Variants in PTBP2 observed in about 807,000 individuals in gnomAD.
PTBP2 encodes polypyrimidine tract binding protein 2.
A neutral mutation model predicts 61.4 loss-of-function variants in PTBP2; 13 were observed. The ratio of observed to expected loss-of-function variants is 0.21; its 90% CI spans 0.14 to 0.34. The LOEUF is 0.34. PTBP2 is among the 10% of genes least tolerant of loss of function. PTBP2 has a pLI of 1.00. For missense variants in PTBP2, 405 were observed against 642.6 expected (o/e 0.63, Z 4.00); for synonymous variants, 215 against 218.5 (o/e 0.98, Z 0.14).
chr1:96,794,061 G>C (rs1015466530), intron 8 of PTBP2, among the ~76,000 whole-genome samples: 8 of 152,092 alleles, frequency 5.3e-5, no homozygotes, highest in African/African-American at 1.9e-4. Flanking sequence ...TGCTTAAATG[G>C]ATCCATTATG....
At chr1:96,815,751 T>G (rs1662457214), downstream of PTBP2, 2 of 152,206 alleles carry the variant, frequency 1.3e-5, no homozygotes, top group Admixed American at 6.5e-5. Flanking sequence ...TAATTTTGTT[T>G]ACACTAGTGT....
chr1:96,730,455 A>G (rs1051548946), intron 2 of PTBP2, among the ~76,000 whole-genome samples: 1 of 152,130 alleles, frequency 6.6e-6, no homozygotes, highest in African/African-American at 2.4e-5. Flanking sequence ...GGGTTATTGG[A>G]AAGTATGTTA....
chr1:96,786,681 G>A (rs534036026), intron 8 of PTBP2, among the ~76,000 whole-genome samples: 1 of 152,250 alleles, frequency 6.6e-6, no homozygotes, highest in African/African-American at 2.4e-5. Flanking sequence ...ACATTACTTT[G>A]TTAAAATAGA....
At chr1:96,735,491 T>G (rs986041398) in intron 2 of PTBP2, among the ~76,000 whole-genome samples, 1 of 152,148 alleles carries the variant, frequency 6.6e-6, no homozygotes, top group African/African-American at 2.4e-5. Context: ...ATTTTGAATG[T>G]TAGATGAGAT....
intron 2 of PTBP2, among the ~76,000 whole-genome samples, chr1:96,732,967 A>G (rs147140204): frequency 6.7e-4 from 102 of 151,746 alleles, no homozygotes; most frequent in African/African-American, 2.3e-3. Flanking sequence ...GCATTATTCT[A>G]TATACCTGTA....
intron 5 of PTBP2, among the ~76,000 whole-genome samples, chr1:96,776,480 C>A (rs566572562): frequency 6.6e-6 from 1 of 151,922 alleles, no homozygotes; most frequent in East Asian, 1.9e-4. Context: ...TCTGGACTCT[C>A]AAGCCGTGTG....
At chr1:96,781,640 T>A (rs1658682176) in intron 7 of PTBP2, among the ~76,000 whole-genome samples, 1 of 152,062 alleles carries the variant, frequency 6.6e-6, no homozygotes, top group East Asian at 1.9e-4. Flanking sequence ...CTGTAACATT[T>A]CAACTAGATT....
chr1:96,736,154 C>T (rs1652139537), intron 2 of PTBP2, among the ~76,000 whole-genome samples: 1 of 152,158 alleles, frequency 6.6e-6, no homozygotes, highest in Non-Finnish European at 1.5e-5. Context: ...TTTTGAAACA[C>T]GTCATTCTGC....
chr1:96,760,441 T>C (rs1231445559), intron 3 of PTBP2, among the ~76,000 whole-genome samples: 1 of 98,306 alleles, frequency 1.0e-5, no homozygotes, highest in Non-Finnish European at 2.0e-5. Context: ...AATAGTTTGC[T>C]TTTTTTTTTT....
chr1:96,733,363 G>A (rs1226041893), intron 2 of PTBP2, among the ~76,000 whole-genome samples: 1 of 152,132 alleles, frequency 6.6e-6, no homozygotes, highest in African/African-American at 2.4e-5. Flanking sequence ...AGTGGCAACT[G>A]AAACAAGTTT....
At chr1:96,734,903 C>CTTTTT (rs369053938) in intron 2 of PTBP2, among the ~76,000 whole-genome samples, 1 of 124,964 alleles carries the variant, frequency 8.0e-6, no homozygotes, top group Admixed American at 8.7e-5. Flanking sequence ...CTTTTTTTTT[C>CTTTTT]TTTTTTTTTT....
At chr1:96,741,757 G>A (rs923620758) in intron 2 of PTBP2, among the ~76,000 whole-genome samples, 5 of 152,058 alleles carry the variant, frequency 3.3e-5, no homozygotes, top group Non-Finnish European at 2.9e-5. Context: ...CATTTATGGC[G>A]TTAATCTACC....
chr1:96,801,435 C>T (rs1660984446), intron 8 of PTBP2, among the ~76,000 whole-genome samples: 1 of 151,992 alleles, frequency 6.6e-6, no homozygotes, highest in Non-Finnish European at 1.5e-5. Flanking sequence ...CATAGGGGGC[C>T]CACAAAGTTT....
At chr1:96,789,766 G>A (rs1039925938) in intron 8 of PTBP2, among the ~76,000 whole-genome samples, 2 of 152,024 alleles carry the variant, frequency 1.3e-5, no homozygotes, top group Admixed American at 6.5e-5. Context: ...CAATAGCGCT[G>A]ACACTTAGTT....
chr1:96,777,812 G>A (rs1658205084), intron 6 of PTBP2, 24 bp from the exon 7 acceptor site: 39 of 1,538,346 alleles, frequency 2.5e-5, no homozygotes, highest in Non-Finnish European at 3.4e-5. Context: ...AATAAGTAAT[G>A]TTTTGATTTT....
chr1:96,757,277 C>T (rs910626601), intron 3 of PTBP2, among the ~76,000 whole-genome samples: 3 of 152,184 alleles, frequency 2.0e-5, no homozygotes, highest in East Asian at 1.9e-4. Context: ...AATGATATTC[C>T]GTGCAAACAG....
Position 96,777,929 on chromosome 1 carries a change from G to T in PTBP2, c.691G>T (p.Ala231Ser). The T allele has an allele frequency of 6.4e-7, 1 of 1,559,602 alleles. No individual in the cohort carries two copies. The highest frequency in any genetic ancestry group is 8.7e-7 in the Non-Finnish European group (1 of 1,150,202). Residue 231 changes from alanine to serine, a missense_variant, in exon 7 of 14, where the codon GCT becomes TCT. Around this residue, in one of 4 missense-constraint regions of PTBP2, gnomAD observed 342 missense variants for 491.2 expected, o/e 0.70. Coordinates refer to ENST00000674951, the MANE Select transcript of PTBP2 (RefSeq NM_021190.4). ...GCTCCAGTATGGTGATCCAGTAAAT[G>T]CTCAACAAGCAAAACTAGTAAGTCT... The part of the protein sequence containing the change: ...ALLQYGDPVN[A>S]QQAKLALDGQ...
chr1:96,778,167 CTTTTTT>C (rs371248551), intron 7 of PTBP2, among the ~76,000 whole-genome samples: 4 of 125,294 alleles, frequency 3.2e-5, no homozygotes, highest in African/African-American at 1.2e-4. Context: ...TATTATTTTA[CTTTTTT>C]TTTTTTTTTT....
chr1:96,777,461 G>C, intron 5 of PTBP2, 124 bp from the exon 6 acceptor site: 1 of 702,694 alleles, frequency 1.4e-6, no homozygotes, highest in Non-Finnish European at 2.2e-6. Flanking sequence ...TATCTGTTGA[G>C]GGGCCATTTA....
Sources: allele counts gnomAD v4.1 joint callset (sites outside exome capture counted in the v4.1 genomes callset), GRCh38; gene constraint gnomAD v4.1.1; regional missense constraint gnomAD v4.1.1; transcripts MANE v1.5; gene names NCBI Gene and HGNC (gene_info 2026-07-23, HGNC 2026-07-21).